Variants in HSF1 observed in about 807,000 individuals in gnomAD.
HSF1 encodes the protein heat shock factor protein 1.
In HSF1, 32 loss-of-function variants were observed where a neutral mutation model predicts 51.7. The observed-to-expected ratio is 0.62, with a 90% CI of 0.47 to 0.83. HSF1 has a LOEUF of 0.83. HSF1 is among the 40% of genes least tolerant of loss of function. HSF1 has a pLI of 0.00. For synonymous variants in HSF1, 396 were observed against 309.7 expected (o/e 1.28, Z -2.92); for missense variants, 727 against 717.0 (o/e 1.01, Z -0.16).
At chr8:144,307,601 G>A (rs782550806) in intron 1 of HSF1, among the ~76,000 whole-genome samples, 5 of 151,604 alleles carry the variant, frequency 3.3e-5, no homozygotes, top group African/African-American at 9.7e-5. Context: ...TGAGCCGGGC[G>A]TGGTGGCGCC....
Position 144,298,833 on chromosome 8 carries a change from G to A in HSF1, c.117+6959G>A, listed in dbSNP as rs141273462. Among the ~76,000 whole-genome samples, 664 of 152,342 alleles carry A rather than the reference G, an allele frequency of 4.4e-3. 6 individuals are homozygous for A. Among genetic ancestry groups the A allele is most frequent in the Middle Eastern group, 0.014 (4 of 294 alleles). On this transcript the variant is annotated intron_variant, in intron 1 of 12. Transcript: ENST00000528838. ...TGCGCGTGAGCCCGCTTGCATCTTG[G>A]GTTGGATCCGATTTGCTGGTGCACA... is the stretch of plus-strand genomic sequence containing the variant.
chr8:144,314,013 C>T lies in HSF1; in HGVS notation c.1343C>T (p.Pro448Leu). 1.2e-6 allele frequency: 2 copies of T among 1,610,928 alleles called. No homozygotes were observed. The highest frequency in any genetic ancestry group is 2.2e-5 in the East Asian group (1 of 44,728). The change falls in exon 12 of 13, where the codon CCC (proline) becomes CTC (leucine). Residue 448 changes from proline (P) to leucine (L), a missense_variant. Pro to Leu is a moderately conservative substitution (Grantham distance 98). Around this residue, in one of 2 missense-constraint regions of HSF1, gnomAD observed 470 missense variants for 398.8 expected, o/e 1.18. Transcript: ENST00000528838. ...SIQELLSPQE[P>L]PRPPEAENSS... Reference sequence around the variant, plus strand: ...CAAGAGCTCCTGTCTCCCCAGGAGCCCCCCAGGCCTCCCGAGGCAGAGAAC... The same window carrying T: ...CAAGAGCTCCTGTCTCCCCAGGAGCTCCCCAGGCCTCCCGAGGCAGAGAAC...
chr8:144,299,729 G>A (rs2130351496), intron 1 of HSF1, among the ~76,000 whole-genome samples: 1 of 151,866 alleles, frequency 6.6e-6, no homozygotes, highest in South Asian at 2.1e-4. Context: ...CTAACATGGT[G>A]AAACCCCGTC....
rs369625758 is a variant in HSF1 at position 144,310,927 on chromosome 8, C to T, written c.489-247C>T. ...CCAGGATCCGGGTGCACCTGGCTCG[C>T]ATGGATCCATCCCCAACACCCTACG... On this transcript the variant is annotated intron_variant, in intron 4 of 12. Transcript: ENST00000528838. The T allele has an allele frequency of 8.9e-6, 5 of 561,744 alleles. No homozygotes were observed. In the South Asian group the frequency reaches 1.0e-4, roughly 12 times the overall value. 34.8% of individuals were successfully genotyped at this position (561,744 alleles called of 1,614,324 possible). A position where few individuals can be genotyped will look rare whatever the true frequency, so the allele number is the denominator to read the frequency against.
intron 2 of HSF1, 45 bp from the exon 3 acceptor site, chr8:144,309,410 G>A (rs1816445036): frequency 9.3e-6 from 15 of 1,610,420 alleles, no homozygotes; most frequent in Non-Finnish European, 1.2e-5. Flanking sequence ...CAGGGGTTCT[G>A]GTCCCGCCCT....
Position 144,312,116 on chromosome 8 carries a change from T to A in HSF1, c.1014T>A (p.Ser338Arg), listed in dbSNP as rs373370243. The change falls in exon 9 of 13, where the codon AGT becomes AGA. Residue 338 changes from serine to arginine, a missense_variant. Around this residue, in one of 2 missense-constraint regions of HSF1, gnomAD observed 470 missense variants for 398.8 expected, o/e 1.18. Coordinates refer to ENST00000528838, the MANE Select transcript of HSF1 (RefSeq NM_005526.4). Reference sequence around the variant, plus strand: ...TCATTGACTCCATCCTGCGGGAGAGTGAACCTGCCCCCGCCTCCGTCACAG... The same window carrying A: ...TCATTGACTCCATCCTGCGGGAGAGAGAACCTGCCCCCGCCTCCGTCACAG... Reference protein sequence around the residue: ...TALIDSILRESEPAPASVTAL... With the variant: ...TALIDSILREREPAPASVTAL... 12 of 1,611,288 alleles carry A rather than the reference T, an allele frequency of 7.4e-6. No homozygotes were observed. Among genetic ancestry groups the A allele is most frequent in the Non-Finnish European group, 1.0e-5 (12 of 1,179,546 alleles).
chr8:144,308,808 A>T, intron 1 of HSF1, 98 bp from the exon 2 acceptor site: 1 of 972,910 alleles, frequency 1.0e-6, no homozygotes, highest in Non-Finnish European at 1.7e-6. Flanking sequence ...TGGAACGTGC[A>T]CTGCCTGCGT....
chr8:144,314,026 C>T lies in HSF1; in HGVS notation c.1356C>T (p.Pro452=), dbSNP rs1352463161. Residue 452 remains proline, a synonymous_variant, in exon 12 of 13, where the codon CCC becomes CCT. Transcript: ENST00000528838. ...CTCCCCAGGAGCCCCCCAGGCCTCC[C>T]GAGGCAGAGAACAGCAGCCCGGATT... The part of the protein sequence containing the change: ...LLSPQEPPRP[P]EAENSSPDSG... The T allele has an allele frequency of 3.3e-5, 53 of 1,610,536 alleles. No homozygotes were observed. Among genetic ancestry groups the T allele is most frequent in the Non-Finnish European group, 4.4e-5 (52 of 1,179,230 alleles).
chr8:144,312,313 T>A, intron 9 of HSF1, 69 bp downstream of exon 9: 1 of 1,149,978 alleles, frequency 8.7e-7, no homozygotes, highest in Non-Finnish European at 1.2e-6. Context: ...CAGCCCCGAC[T>A]GTCCCAGTGG....
chr8:144,296,060 G>C (rs1357031661), intron 1 of HSF1, among the ~76,000 whole-genome samples: 2 of 152,132 alleles, frequency 1.3e-5, no homozygotes, highest in Non-Finnish European at 2.9e-5. Flanking sequence ...CAAGGCCCTC[G>C]GCCTATCGCG....
chr8:144,302,469 T>G (rs1165007277), intron 1 of HSF1, among the ~76,000 whole-genome samples: 4 of 151,418 alleles, frequency 2.6e-5, no homozygotes, highest in African/African-American at 9.7e-5. Context: ...ATCGCGCCAT[T>G]GCACTCTAGC....
At chr8:144,295,135 T>G (rs1815370682) in intron 1 of HSF1, among the ~76,000 whole-genome samples, 1 of 152,226 alleles carries the variant, frequency 6.6e-6, no homozygotes, top group South Asian at 2.1e-4. Flanking sequence ...CTCGTCTGCA[T>G]GCAGCAGCTC....
intron 1 of HSF1, among the ~76,000 whole-genome samples, chr8:144,303,738 C>T (rs368513531): frequency 1.9e-4 from 29 of 152,022 alleles, no homozygotes; most frequent in Admixed American, 3.3e-4. Flanking sequence ...ATAAGCCGGG[C>T]GTGGTGGCAC....
chr8:144,297,371 C>A lies in HSF1; in HGVS notation c.117+5497C>A, dbSNP rs539320835. Among the ~76,000 whole-genome samples the A allele has an allele frequency of 2.0e-5, 3 of 152,296 alleles. No homozygotes were observed. The highest frequency in any genetic ancestry group is 7.2e-5 in the African/African-American group (3 of 41,546). ...CCATGGTGAGCAGCAGTAGCCACCA[C>A]ACTTGTGCACGGCAGCCAGTGACGA... On this transcript the variant is annotated intron_variant, in intron 1 of 12. Coordinates refer to ENST00000528838, the MANE Select transcript of HSF1 (RefSeq NM_005526.4). The surrounding 1 kb of genome is among the most constrained non-coding windows in gnomAD (Gnocchi z 4.6).
Position 144,311,160 on chromosome 8 carries a change from C to G in HSF1, c.489-14C>G. 2 of 1,589,598 alleles carry G rather than the reference C, an allele frequency of 1.3e-6. No homozygotes were observed. Among genetic ancestry groups the G allele is most frequent in the South Asian group, 1.1e-5 (1 of 88,302 alleles). ...TGGGATTGGGCCCCACTGACCCAGC[C>G]TGGTCTGTTGCAGTGAGAATGAGGC... On this transcript the variant is annotated splice_polypyrimidine_tract_variant and intron_variant, in intron 4 of 12. Transcript: ENST00000528838.
rs1821061516 is a variant in HSF1 at position 144,311,228 on chromosome 8, G to A, written c.543G>A (p.Gln181=). Residue 181 remains glutamine (Q), a synonymous_variant, in exon 5 of 13, where the codon CAG becomes CAA. Transcript: ENST00000528838. The stretch of plus-strand genomic sequence containing the variant: ...CCAGCCTTCGGCAGAAGCATGCCCA[G>A]CAACAGAAAGTCGTCAACAAGGTGG... ...EVASLRQKHA[Q]QQKVVNKLIQ... is the part of the protein sequence containing the mutation. The A allele has an allele frequency of 6.2e-7, 1 of 1,612,344 alleles. No individual in the cohort carries two copies.
rs782152708 is a variant in HSF1 at position 144,311,203 on chromosome 8, C to T, written c.518C>T (p.Ala173Val). 3.7e-6 allele frequency: 6 copies of T among 1,602,476 alleles called. No individual in the cohort carries two copies. Among genetic ancestry groups the T allele is most frequent in the Non-Finnish European group, 4.3e-6 (5 of 1,175,028 alleles). ...AATGAGGCTCTGTGGCGGGAGGTGG[C>T]CAGCCTTCGGCAGAAGCATGCCCAG... ...HENEALWREVASLRQKHAQQQ... is the reference protein window; with the variant it reads ...HENEALWREVVSLRQKHAQQQ... Residue 173 changes from alanine (A) to valine (V), a missense_variant, in exon 5 of 13, where the codon GCC (alanine) becomes GTC (valine). Coordinates refer to ENST00000528838, the MANE Select transcript of HSF1 (RefSeq NM_005526.4).
intron 9 of HSF1, 125 bp from the exon 10 acceptor site, chr8:144,313,386 C>G: frequency 1.5e-6 from 1 of 653,948 alleles, no homozygotes; most frequent in Non-Finnish European, 2.7e-6. Context: ...CCCCCTCCAG[C>G]CTGTGCAGGC....
chr8:144,311,522 A>C lies in HSF1; in HGVS notation c.644A>C (p.Asp215Ala). ...CCCCACAGCCCCCTGATGCTGAACG[A>C]CAGTGGCTCAGCACATTCCATGCCC... Reference protein sequence around the residue: ...VKRKIPLMLNDSGSAHSMPKY... With the variant: ...VKRKIPLMLNASGSAHSMPKY... Residue 215 changes from aspartate (D) to alanine (A), a missense_variant, in exon 7 of 13, where the codon GAC (aspartate) becomes GCC (alanine). Physicochemically the swap from Asp to Ala is moderately radical, Grantham distance 126 (BLOSUM62 -2). Transcript: ENST00000528838. 6.2e-7 allele frequency: 1 copy of C among 1,613,656 alleles called. No individual in the cohort carries two copies. The highest frequency in any genetic ancestry group is 1.3e-5 in the African/African-American group (1 of 75,024).
Sources: gnomAD v4.1 joint callset for allele counts (sites outside exome capture counted in the v4.1 genomes callset) on GRCh38, gnomAD v4.1.1 for gene constraint, gnomAD v4.1.1 regional missense constraint, Gnocchi (gnomAD v3.1) non-coding constraint, MANE v1.5 for transcripts, NCBI Gene and HGNC (gene_info 2026-07-23, HGNC 2026-07-21) for gene names.